Variants in KAZN observed in about 807,000 individuals in gnomAD.
KAZN encodes kazrin.
A neutral mutation model predicts 87.4 loss-of-function variants in KAZN; 40 were observed. The observed-to-expected ratio is 0.46, with a 90% CI of 0.36 to 0.60. KAZN has a LOEUF of 0.60. Among genes scored for constraint, KAZN ranks in the 20% least tolerant of loss-of-function variants. KAZN has a pLI of 0.00. For missense variants in KAZN, 898 were observed against 1,073.9 expected (o/e 0.84, Z 2.29); for synonymous variants, 466 against 458.3 (o/e 1.02, Z -0.22).
chr1:14,365,942 G>A (rs1304757406), intron 2 of KAZN, among the ~76,000 whole-genome samples: 1 of 152,288 alleles, frequency 6.6e-6, no homozygotes. Flanking sequence ...AGATCTTTCT[G>A]ATGAGATAGA....
intron 2 of KAZN, among the ~76,000 whole-genome samples, chr1:15,015,446 C>T (rs1442915266): frequency 2.0e-5 from 3 of 152,232 alleles, no homozygotes; most frequent in African/African-American, 7.2e-5. Flanking sequence ...CCACCGGGCC[C>T]GGCCATAAAA....
At chr1:15,006,112 C>T (rs1668974570) in intron 2 of KAZN, among the ~76,000 whole-genome samples, 1 of 152,244 alleles carries the variant, frequency 6.6e-6, no homozygotes, top group South Asian at 2.1e-4. Context: ...CTGCCAAACC[C>T]ACTCACTGGC....
In KAZN at chr1:14,035,985, G is replaced by A. The variant is rs142743515; in HGVS notation, c.91+142229G>A. ...GCTTCAGGCTGAGGTAAATACAAAG[G>A]TCTTAGGAAATGAGAGAGTCTGAAA... On this transcript the variant is annotated intron_variant, in intron 1 of 16. Coordinates refer to the KAZN transcript ENST00000636203. 2.1e-4 allele frequency among the ~76,000 whole-genome samples: 32 copies of A among 152,298 alleles called. 1 individual carries two copies. The East Asian group carries it at 6.0e-3, about 28-fold the overall frequency.
At chr1:14,133,373 AAAAAAAAGAAAGAAAGAAAGAAAGAAAG>A (rs1333861274) in intron 1 of KAZN, among the ~76,000 whole-genome samples, 2 of 72,986 alleles carry the variant, frequency 2.7e-5, no homozygotes, top group East Asian at 7.0e-4. Context: ...CTCAAAAAAA[AAAAAAAAGAAAGAAAGAAAGAAAGAAAG>A]AAAGAAAGAA....
chr1:14,068,130 A>C (rs1418334955), intron 1 of KAZN, among the ~76,000 whole-genome samples: 1 of 151,846 alleles, frequency 6.6e-6, no homozygotes, highest in Admixed American at 6.6e-5. Flanking sequence ...TCCCCCCCCC[A>C]ACAATTGAGG....
intron 1 of KAZN, among the ~76,000 whole-genome samples, chr1:14,948,336 C>G (rs1167539473): frequency 6.6e-6 from 1 of 152,194 alleles, no homozygotes; most frequent in Non-Finnish European, 1.5e-5. Flanking sequence ...GTCTCATTGG[C>G]TCCTCCCCTC....
At chr1:14,420,891 C>T (rs747408265) in intron 2 of KAZN, among the ~76,000 whole-genome samples, 1 of 33,354 alleles carries the variant, frequency 3.0e-5, no homozygotes, top group Non-Finnish European at 6.9e-5. Flanking sequence ...TCTCCCTCCA[C>T]ACCTCCCCTC....
chr1:14,861,110 G>C (rs748695692), intron 1 of KAZN, among the ~76,000 whole-genome samples: 4 of 152,212 alleles, frequency 2.6e-5, no homozygotes, highest in Non-Finnish European at 4.4e-5. Flanking sequence ...GGGTGCAGTG[G>C]CTCATGCCTG....
chr1:14,365,298 C>T (rs550916584), intron 2 of KAZN, among the ~76,000 whole-genome samples: 46 of 151,690 alleles, frequency 3.0e-4, no homozygotes, highest in African/African-American at 8.5e-4. Flanking sequence ...CCGCCCGCCT[C>T]GGCCTCCTAA....
At chr1:14,758,268 C>T (rs377674549) in intron 1 of KAZN, among the ~76,000 whole-genome samples, 3 of 151,980 alleles carry the variant, frequency 2.0e-5, no homozygotes, top group Non-Finnish European at 2.9e-5. Context: ...TGGGCTCAAG[C>T]GATCCTCCCA....
chr1:14,581,224 C>T (rs1180390962), intron 2 of KAZN, among the ~76,000 whole-genome samples: 1 of 152,126 alleles, frequency 6.6e-6, no homozygotes, highest in African/African-American at 2.4e-5. Context: ...CACTCTATCC[C>T]CAAACCTGCT....
At chr1:14,560,802 G>A (rs1472627946) in intron 2 of KAZN, among the ~76,000 whole-genome samples, 2 of 152,292 alleles carry the variant, frequency 1.3e-5, no homozygotes, top group Admixed American at 6.5e-5. Context: ...AGGCAAGGGA[G>A]AGAGGAGTTT....
intron 1 of KAZN, among the ~76,000 whole-genome samples, chr1:14,607,251 G>A (rs565906930): frequency 7.9e-5 from 12 of 152,218 alleles, no homozygotes; most frequent in African/African-American, 2.9e-4. Flanking sequence ...ATACCTCAAC[G>A]AATCCTTTAA....
intron 1 of KAZN, among the ~76,000 whole-genome samples, chr1:14,056,774 G>A (rs916954146): frequency 2.0e-5 from 3 of 152,118 alleles, no homozygotes; most frequent in African/African-American, 7.2e-5. Flanking sequence ...ACTGGAAATG[G>A]CCTTTTTTTA....
At chr1:14,017,457 C>T (rs1173054794) in intron 1 of KAZN, among the ~76,000 whole-genome samples, 9 of 152,186 alleles carry the variant, frequency 5.9e-5, no homozygotes, top group African/African-American at 9.7e-5. Context: ...ATTCCAGACA[C>T]GTGCATTTGT....
intron 1 of KAZN, among the ~76,000 whole-genome samples, chr1:14,121,459 T>A (rs1644750523): frequency 6.6e-6 from 1 of 152,128 alleles, no homozygotes. Context: ...ATGTAAAGTA[T>A]CCACAATTAT....
At chr1:14,101,312 CA>C (rs1644244785) in intron 1 of KAZN, among the ~76,000 whole-genome samples, 1 of 152,204 alleles carries the variant, frequency 6.6e-6, no homozygotes. Flanking sequence ...AAACCAAATT[CA>C]CCATTTGGAG....
At chr1:14,569,395 T>A (rs1253880227) in intron 2 of KAZN, among the ~76,000 whole-genome samples, 2 of 138,136 alleles carry the variant, frequency 1.4e-5, no homozygotes, top group African/African-American at 5.4e-5. Context: ...AGATCTCGGC[T>A]CACTGCAATC....
chr1:14,784,263 G>A (rs751846525), intron 1 of KAZN, among the ~76,000 whole-genome samples: 11 of 152,188 alleles, frequency 7.2e-5, no homozygotes, highest in Non-Finnish European at 1.6e-4. Context: ...GAAGCCAACC[G>A]ATTATGGGTT....
Sources: allele counts gnomAD v4.1 joint callset (sites outside exome capture counted in the v4.1 genomes callset), GRCh38; gene constraint gnomAD v4.1.1; transcripts MANE v1.5; gene names NCBI Gene and HGNC (gene_info 2026-07-23, HGNC 2026-07-21).